Variants in CNNM4 observed in about 807,000 individuals in gnomAD.
CNNM4 encodes cyclin and CBS domain divalent metal cation transport mediator 4.
CNNM4 carries 32 observed loss-of-function variants against 53.7 expected under a neutral mutation model. The ratio of observed to expected loss-of-function variants is 0.60; its 90% CI spans 0.45 to 0.80. The LOEUF (loss-of-function observed/expected upper bound fraction) is 0.80, where lower values mean the gene tolerates loss of function less well. Ranked by LOEUF, CNNM4 falls within the 30% of genes least tolerant of loss-of-function variation. The pLI, the probability that CNNM4 is intolerant of heterozygous loss-of-function variation, is 0.00. For missense variants in CNNM4, 784 were observed against 1,022.0 expected (o/e 0.77, Z 3.17); for synonymous variants, 410 against 440.0 (o/e 0.93, Z 0.85).
Position 96,761,746 on chromosome 2 carries a change from G to C in CNNM4, c.747G>C (p.Gly249=). ...ACCTTCTCTGCTCGTTGCTCCTAGG[G>C]AACGTGCTGGTCAACACCTCCCTCA... The part of the protein sequence containing the change: ...GNYLLCSLLL[G]NVLVNTSLTI... The change falls in exon 1 of 7, where the codon GGG becomes GGC. Residue 249 remains glycine, a synonymous_variant. Transcript: ENST00000377075. This position sits in a 1 kb window ranked among gnomAD's most constrained non-coding sequence, Gnocchi z 6.0. The C allele has an allele frequency of 1.2e-6, 2 of 1,610,550 alleles. No homozygotes were observed. The highest frequency in any genetic ancestry group is 2.2e-5 in the East Asian group (1 of 44,874).
In CNNM4 at chr2:96,797,587, G is replaced by A. The variant is rs746322998; in HGVS notation, c.1621G>A (p.Glu541Lys). ...DFSAFKDADNELKVKISPQLL... is the reference protein window; with the variant it reads ...DFSAFKDADNKLKVKISPQLL... ...CTCTGCCTTCAAGGATGCGGACAAT[G>A]AGCTCAAAGTGAAAATCTCCCCGCA... The change falls in exon 3 of 7, where the codon GAG (glutamate) becomes AAG (lysine). Residue 541 changes from glutamate (E) to lysine (K), a missense_variant. Coordinates refer to ENST00000377075, the MANE Select transcript of CNNM4 (RefSeq NM_020184.4). The surrounding 1 kb of genome is among the most constrained non-coding windows in gnomAD (Gnocchi z 6.0). 6 of 1,614,218 alleles carry A rather than the reference G, an allele frequency of 3.7e-6. No individual in the cohort carries two copies. The Admixed American group carries it at 1.0e-4, about 27-fold the overall frequency.
chr2:96,808,421 C>A lies in CNNM4; in HGVS notation c.1949-140C>A. Reference sequence around the variant, plus strand: ...AGACCTTATGCAGTCAGACCTTCTACATGCTTCTGTTTGTCCCTAAGAATG... The same window carrying A: ...AGACCTTATGCAGTCAGACCTTCTAAATGCTTCTGTTTGTCCCTAAGAATG... On this transcript the variant is annotated intron_variant, in intron 5 of 6. Transcript: ENST00000377075. This position sits in a 1 kb window ranked among gnomAD's most constrained non-coding sequence, Gnocchi z 4.9. The A allele has an allele frequency of 1.3e-6, 1 of 796,414 alleles. No homozygotes were observed. Among genetic ancestry groups the A allele is most frequent in the South Asian group, 1.5e-5 (1 of 66,538 alleles). The allele number at this position is 796,414 out of a possible 1,614,324, so 49.3% of individuals were successfully genotyped here.
intron 1 of CNNM4, among the ~76,000 whole-genome samples, chr2:96,789,732 G>T (rs1219338194): frequency 6.7e-6 from 1 of 150,332 alleles, no homozygotes; most frequent in African/African-American, 2.5e-5. Flanking sequence ...AGTCTGTGTC[G>T]CCCAGGCTGG....
rs1574078436 is a variant in CNNM4, at chr2:96,797,214, G to A, written c.1546+59G>A. On this transcript the variant is annotated intron_variant, in intron 2 of 6. Coordinates refer to ENST00000377075, the MANE Select transcript of CNNM4 (RefSeq NM_020184.4). This position sits in a 1 kb window ranked among gnomAD's most constrained non-coding sequence, Gnocchi z 6.0. ...TTTCCTGCTTGGATCGAAACTTGGT[G>A]TCCCTAGCTGGAAGGGCCATAGTGC... 1 of 1,608,472 alleles carries A rather than the reference G, an allele frequency of 6.2e-7. No homozygotes were observed. Among genetic ancestry groups the A allele is most frequent in the Non-Finnish European group, 8.5e-7 (1 of 1,176,758 alleles).
chr2:96,809,216 C>T (rs1316214020), intron 6 of CNNM4, 104 bp from the exon 7 acceptor site: 1 of 1,560,610 alleles, frequency 6.4e-7, no homozygotes, highest in South Asian at 1.2e-5. Context: ...TGGTCATGTT[C>T]TCTCTCAACT....
intron 1 of CNNM4, among the ~76,000 whole-genome samples, chr2:96,780,334 C>T (rs896490781): frequency 6.6e-6 from 1 of 151,944 alleles, no homozygotes; most frequent in African/African-American, 2.4e-5. Context: ...TAGTTTAGTT[C>T]TGGCGCCAGC....
intron 1 of CNNM4, among the ~76,000 whole-genome samples, chr2:96,773,146 A>G (rs2078894448): frequency 6.6e-6 from 1 of 152,214 alleles, no homozygotes; most frequent in African/African-American, 2.4e-5. Flanking sequence ...AAACTTTCCC[A>G]AGAGTTAGAA....
chr2:96,782,843 A>G (rs2153346843), intron 1 of CNNM4, among the ~76,000 whole-genome samples: 1 of 152,294 alleles, frequency 6.6e-6, no homozygotes, highest in South Asian at 2.1e-4. Flanking sequence ...GAATAGATGT[A>G]TTTCAGCAAA....
In CNNM4 at chr2:96,766,053, G is replaced by A. The variant is rs559090015; in HGVS notation, c.1402+3652G>A. On this transcript the variant is annotated intron_variant, in intron 1 of 6. Coordinates refer to ENST00000377075, the MANE Select transcript of CNNM4 (RefSeq NM_020184.4). ...CCCACCTCAGCCTCCCAAAGTGCTG[G>A]GATTACAGGTGTGAGCCACCACACC... is the stretch of plus-strand genomic sequence containing the variant. Among the ~76,000 whole-genome samples, 511 of 150,484 alleles carry A rather than the reference G, an allele frequency of 3.4e-3. 3 individuals are homozygous for A. The highest frequency in any genetic ancestry group is 0.012 in the African/African-American group (482 of 41,028).
chr2:96,793,544 T>G (rs1484652510), intron 1 of CNNM4, among the ~76,000 whole-genome samples: 3 of 152,078 alleles, frequency 2.0e-5, no homozygotes, highest in Non-Finnish European at 2.9e-5. Context: ...CACCCGAGGG[T>G]GCACACACAC....
At chr2:96,765,014 G>C (rs147637853) in intron 1 of CNNM4, among the ~76,000 whole-genome samples, 1 of 81,992 alleles carries the variant, frequency 1.2e-5, no homozygotes, top group African/African-American at 5.0e-5. Context: ...GGAGTCTGGT[G>C]TTGGGAATGG....
At position 96,760,956 on chromosome 2, in the gene CNNM4, C is replaced by CGGCGT. The variant is rs2078754183; in HGVS notation, c.-39_-35dup. On this transcript the variant is annotated 5_prime_UTR_variant, in exon 1 of 7. Transcript: ENST00000377075. The stretch of plus-strand genomic sequence containing the variant: ...AGCTGCGGTGCGGACCGGGGCCGCG[C>CGGCGT]GGCGTGGCGCGGGGAGCGGCGGCGG... 1 of 963,798 alleles carries CGGCGT rather than the reference C, an allele frequency of 1.0e-6. No individual in the cohort carries two copies. 59.7% of individuals were successfully genotyped at this position (963,798 alleles called of 1,614,324 possible).
At chr2:96,782,731 C>T (rs1313562486) in intron 1 of CNNM4, among the ~76,000 whole-genome samples, 1 of 152,162 alleles carries the variant, frequency 6.6e-6, no homozygotes, top group Non-Finnish European at 1.5e-5. Flanking sequence ...GACCAGGAAC[C>T]AACTGGGGTT....
chr2:96,761,220 T>C lies in CNNM4; in HGVS notation c.221T>C (p.Val74Ala). Reference sequence around the variant, plus strand: ...ATCTTCGTGTCCGAGGGCAGCACCGTGAACCTGAGGCTGTACGGCTACAGC... The same window carrying C: ...ATCTTCGTGTCCGAGGGCAGCACCGCGAACCTGAGGCTGTACGGCTACAGC... The part of the protein sequence containing the change: ...GIIFVSEGST[V>A]NLRLYGYSLG... The change falls in exon 1 of 7, where the codon GTG (valine) becomes GCG (alanine). Residue 74 changes from valine (V) to alanine (A), a missense_variant. Physicochemically the swap from Val to Ala is moderately conservative, Grantham distance 64. Transcript: ENST00000377075. The surrounding 1 kb of genome is among the most constrained non-coding windows in gnomAD (Gnocchi z 6.0). 2 of 1,614,072 alleles carry C rather than the reference T, an allele frequency of 1.2e-6. No homozygotes were observed. The highest frequency in any genetic ancestry group is 1.7e-6 in the Non-Finnish European group (2 of 1,179,976).
chr2:96,788,149 C>A (rs2079030322), intron 1 of CNNM4, among the ~76,000 whole-genome samples: 1 of 152,182 alleles, frequency 6.6e-6, no homozygotes, highest in South Asian at 2.1e-4. Context: ...TCTTGAACTC[C>A]TGACCTCAAG....
At chr2:96,791,194 C>T (rs898308446) in intron 1 of CNNM4, among the ~76,000 whole-genome samples, 1 of 151,782 alleles carries the variant, frequency 6.6e-6, no homozygotes, top group African/African-American at 2.4e-5. Flanking sequence ...CCCAGCTACT[C>T]AGGAGGCTGG....
intron 1 of CNNM4, among the ~76,000 whole-genome samples, chr2:96,793,711 CCCAG>C (rs1191052238): frequency 1.3e-5 from 2 of 152,226 alleles, no homozygotes; most frequent in East Asian, 3.8e-4. Flanking sequence ...CATCTGTAAT[CCCAG>C]CACCCTGGGA....
In CNNM4 at chr2:96,761,059, C is replaced by T; in HGVS notation, c.60C>T (p.Leu20=). 8.0e-7 allele frequency: 1 copy of T among 1,256,586 alleles called. No homozygotes were observed. The highest frequency in any genetic ancestry group is 1.0e-6 in the Non-Finnish European group (1 of 997,018). 77.8% of individuals were successfully genotyped at this position (1,256,586 alleles called of 1,614,324 possible). A position where few individuals can be genotyped will look rare whatever the true frequency, so the allele number is the denominator to read the frequency against. ...GCGGACCGGCCCGCGGGCGCCTCCT[C>T]CTGGCGGCGCCGGTGCTGCTGGTGC... The part of the protein sequence containing the change: ...PVGGPARGRL[L]LAAPVLLVLL... Residue 20 remains leucine (L), a synonymous_variant, in exon 1 of 7, where the codon CTC becomes CTT. Transcript: ENST00000377075. The surrounding 1 kb of genome is among the most constrained non-coding windows in gnomAD (Gnocchi z 6.0).
At chr2:96,795,302 T>C (rs2079093093) in intron 1 of CNNM4, among the ~76,000 whole-genome samples, 1 of 152,222 alleles carries the variant, frequency 6.6e-6, no homozygotes, top group Non-Finnish European at 1.5e-5. Flanking sequence ...GCCGCCCTGC[T>C]GGAGGGCCTC....
Sources: gnomAD v4.1 joint callset for allele counts (sites outside exome capture counted in the v4.1 genomes callset) on GRCh38, gnomAD v4.1.1 for gene constraint, Gnocchi (gnomAD v3.1) non-coding constraint, MANE v1.5 for transcripts, NCBI Gene and HGNC (gene_info 2026-07-23, HGNC 2026-07-21) for gene names.